Variants in EXT1 observed in about 807,000 individuals in gnomAD.
EXT1 encodes the protein exostosin-1.
A neutral mutation model predicts 82.5 loss-of-function variants in EXT1; 20 were observed. The observed-to-expected ratio is 0.24, with a 90% CI of 0.17 to 0.35. EXT1 has a LOEUF of 0.35. Ranked by LOEUF, EXT1 falls within the 10% of genes least tolerant of loss-of-function variation. The pLI is 1.00. For synonymous variants in EXT1, 348 were observed against 350.8 expected (o/e 0.99, Z 0.09); for missense variants, 757 against 936.5 (o/e 0.81, Z 2.50).
chr8:117,966,967 TA>T (rs1241851984), intron 1 of EXT1, among the ~76,000 whole-genome samples: 3 of 152,216 alleles, frequency 2.0e-5, no homozygotes, highest in Admixed American at 2.0e-4. Flanking sequence ...CCATGCACTA[TA>T]TTTTGATGTG....
intron 1 of EXT1, among the ~76,000 whole-genome samples, chr8:118,081,904 A>G (rs971902596): frequency 5.3e-5 from 8 of 152,164 alleles, no homozygotes; most frequent in Non-Finnish European, 1.2e-4. Context: ...TGTCACAAAA[A>G]CCGAGAGCAA....
chr8:118,029,696 G>A (rs1816272335), intron 1 of EXT1, among the ~76,000 whole-genome samples: 1 of 152,188 alleles, frequency 6.6e-6, no homozygotes, highest in African/African-American at 2.4e-5. Flanking sequence ...TTCATCTGCA[G>A]ATGAACTTGA....
intron 1 of EXT1, among the ~76,000 whole-genome samples, chr8:117,926,809 T>C (rs1271959630): frequency 6.6e-6 from 1 of 152,228 alleles, no homozygotes; most frequent in Non-Finnish European, 1.5e-5. Flanking sequence ...TCTATTTGGA[T>C]GGATTTCTAA....
chr8:117,866,915 G>A (rs1418984696), intron 1 of EXT1, among the ~76,000 whole-genome samples: 1 of 152,012 alleles, frequency 6.6e-6, no homozygotes, highest in African/African-American at 2.4e-5. Context: ...AATGTCTCAA[G>A]GACATTCAGT....
At chr8:117,908,755 A>G (rs1265122015) in intron 1 of EXT1, among the ~76,000 whole-genome samples, 1 of 152,242 alleles carries the variant, frequency 6.6e-6, no homozygotes, top group Non-Finnish European at 1.5e-5. Context: ...GCCCCAATTT[A>G]TAAACAATTA....
intron 1 of EXT1, among the ~76,000 whole-genome samples, chr8:117,853,767 G>C (rs1812494050): frequency 6.6e-6 from 1 of 152,178 alleles, no homozygotes; most frequent in African/African-American, 2.4e-5. Flanking sequence ...ATGGGGCTGA[G>C]TCTCTAAATA....
At chr8:117,943,631 T>G (rs1338496531) in intron 1 of EXT1, among the ~76,000 whole-genome samples, 2 of 152,212 alleles carry the variant, frequency 1.3e-5, no homozygotes, top group Non-Finnish European at 2.9e-5. Context: ...TATCAGCATA[T>G]GAGCACACAG....
chr8:117,991,428 A>G (rs1163871019), intron 1 of EXT1, among the ~76,000 whole-genome samples: 2 of 152,158 alleles, frequency 1.3e-5, no homozygotes, highest in Non-Finnish European at 2.9e-5. Context: ...TCTCGTGTCC[A>G]GCCTACCACC....
chr8:118,035,550 G>A (rs767054766), intron 1 of EXT1, among the ~76,000 whole-genome samples: 31 of 151,612 alleles, frequency 2.0e-4, no homozygotes, highest in Non-Finnish European at 3.2e-4. Context: ...ACTTTTCCCC[G>A]GAAGTCAGAT....
At chr8:118,032,402 A>G (rs557543595) in intron 1 of EXT1, among the ~76,000 whole-genome samples, 22 of 152,060 alleles carry the variant, frequency 1.4e-4, no homozygotes, top group African/African-American at 5.3e-4. Flanking sequence ...TTAGAACAAT[A>G]AAGATTTTTT....
In EXT1 at chr8:117,888,838, T is replaced by G. The variant is rs189356360; in HGVS notation, c.963-51637A>C. Among the ~76,000 whole-genome samples, 11 of 152,334 alleles carry G rather than the reference T, an allele frequency of 7.2e-5. No homozygotes were observed. The East Asian group carries it at 2.1e-3, about 29-fold the overall frequency. On this transcript the variant is annotated intron_variant, in intron 1 of 10. Transcript: ENST00000378204. Reference sequence around the variant, plus strand: ...TTGTCATTTAGCACTTACCTTCTGCTCCCTTAACTATTATAGTAAGTAATG... The same window carrying G: ...TTGTCATTTAGCACTTACCTTCTGCGCCCTTAACTATTATAGTAAGTAATG...
Position 118,059,299 on chromosome 8 carries a change from T to C in EXT1, c.962+50786A>G, listed in dbSNP as rs142346270. Among the ~76,000 whole-genome samples, 642 of 152,290 alleles carry C rather than the reference T, an allele frequency of 4.2e-3. 4 individuals are homozygous for C. Among genetic ancestry groups the C allele is most frequent in the African/African-American group, 0.014 (593 of 41,550 alleles). ...CAACTTGGTAAGCCAGGAACTCTCA[T>C]TTAATGGAATACCCTTCCCGCTATG... On this transcript the variant is annotated intron_variant, in intron 1 of 10. Transcript: ENST00000378204.
At chr8:117,950,490 G>A (rs1814472108) in intron 1 of EXT1, among the ~76,000 whole-genome samples, 1 of 152,116 alleles carries the variant, frequency 6.6e-6, no homozygotes, top group Non-Finnish European at 1.5e-5. Context: ...TGGGGTATGA[G>A]TACAATTCCT....
At chr8:117,841,532 T>A (rs1023499548) in intron 1 of EXT1, among the ~76,000 whole-genome samples, 7 of 152,154 alleles carry the variant, frequency 4.6e-5, no homozygotes, top group African/African-American at 1.7e-4. Context: ...AAAAGAAACA[T>A]ATGATATCCT....
chr8:117,996,315 T>C (rs1229509499), intron 1 of EXT1, among the ~76,000 whole-genome samples: 3 of 152,236 alleles, frequency 2.0e-5, no homozygotes, highest in African/African-American at 7.2e-5. Context: ...TCCAATATGG[T>C]AGCCACTAGT....
intron 1 of EXT1, among the ~76,000 whole-genome samples, chr8:118,062,363 G>C (rs760851239): frequency 2.0e-5 from 3 of 152,194 alleles, no homozygotes; most frequent in Admixed American, 6.5e-5. Context: ...TGGGCTTGCA[G>C]ACACAGACTT....
intron 1 of EXT1, among the ~76,000 whole-genome samples, chr8:117,840,416 C>T (rs1334798455): frequency 6.6e-6 from 1 of 152,088 alleles, no homozygotes; most frequent in Non-Finnish European, 1.5e-5. Flanking sequence ...AGATTGAAAC[C>T]AGTCTGGCCA....
intron 1 of EXT1, among the ~76,000 whole-genome samples, chr8:117,879,509 C>A (rs756220482): frequency 2.4e-4 from 37 of 151,178 alleles, no homozygotes; most frequent in Non-Finnish European, 4.3e-4. Flanking sequence ...CTAGTAAATT[C>A]TTCCTGAGAT....
At chr8:117,853,855 G>A (rs1220741126) in intron 1 of EXT1, among the ~76,000 whole-genome samples, 4 of 152,210 alleles carry the variant, frequency 2.6e-5, no homozygotes, top group Admixed American at 2.6e-4. Context: ...CCTGTGTTTT[G>A]TCCTAACATT....
Sources: gnomAD v4.1 joint callset for allele counts (sites outside exome capture counted in the v4.1 genomes callset) on GRCh38, gnomAD v4.1.1 for gene constraint, MANE v1.5 for transcripts, NCBI Gene and HGNC (gene_info 2026-07-23, HGNC 2026-07-21) for gene names.